The following CHKA variants were observed in gnomAD, a reference collection of about 807,000 sequenced individuals.
The protein encoded by CHKA is choline kinase alpha.
Under a neutral mutation model 60.1 loss-of-function variants are expected in CHKA, and 34 were observed. The ratio of observed to expected loss-of-function variants is 0.57; its 90% confidence interval spans 0.43 to 0.75. CHKA has a LOEUF of 0.75. CHKA is among the 30% of genes least tolerant of loss of function. The pLI, the probability that CHKA is intolerant of heterozygous loss-of-function variation, is 0.00. For missense variants in CHKA, 563 were observed against 561.3 expected (o/e 1.00, Z -0.03); for synonymous variants, 217 against 223.1 (o/e 0.97, Z 0.24).
At chr11:68,069,767 C>CGTCA (rs1242459855) in intron 6 of CHKA, among the ~76,000 whole-genome samples, 6 of 152,054 alleles carry the variant, frequency 3.9e-5, no homozygotes, top group Non-Finnish European at 5.9e-5. Flanking sequence ...AGGACAATGA[C>CGTCA]GGCCTTGCTT....
intron 2 of CHKA, among the ~76,000 whole-genome samples, chr11:68,092,263 C>G (rs901180381): frequency 6.6e-6 from 1 of 152,122 alleles, no homozygotes; most frequent in Non-Finnish European, 1.5e-5. Context: ...TCAATTAATG[C>G]AAATCTTGAC....
rs547721507 is a variant in CHKA, at chr11:68,073,918, A to G, written c.630+799T>C. On this transcript the variant is annotated intron_variant, in intron 4 of 11. Transcript: ENST00000265689. Reference sequence around the variant, plus strand: ...GCTCAATGAAAATGGGGAATATCTGATCTATCTAGGAAGAGAGTGCAGGCT... The same window carrying G: ...GCTCAATGAAAATGGGGAATATCTGGTCTATCTAGGAAGAGAGTGCAGGCT... Among the ~76,000 whole-genome samples the G allele has an allele frequency of 1.7e-4, 26 of 152,320 alleles. No individual in the cohort carries two copies. In the South Asian group the frequency reaches 5.0e-3, roughly 29 times the overall value.
At chr11:68,056,828 A>G (rs1442693919) in intron 11 of CHKA, among the ~76,000 whole-genome samples, 1 of 152,084 alleles carries the variant, frequency 6.6e-6, no homozygotes, top group Non-Finnish European at 1.5e-5. Flanking sequence ...TGGGCAACAC[A>G]GTGAGACCCT....
chr11:68,069,762 A>G (rs1856555689), intron 6 of CHKA, among the ~76,000 whole-genome samples: 2 of 152,122 alleles, frequency 1.3e-5, no homozygotes, highest in African/African-American at 2.4e-5. Context: ...CTCTGAGGAC[A>G]ATGACGGCCT....
chr11:68,114,684 G>A (rs984120340), intron 1 of CHKA, among the ~76,000 whole-genome samples: 1 of 149,940 alleles, frequency 6.7e-6, no homozygotes. Context: ...GCGACAGAGC[G>A]AGACTCTGTC....
In CHKA at chr11:68,054,015, G is replaced by T; in HGVS notation, c.1347C>A (p.Phe449Leu). 1 of 1,613,714 alleles carries T rather than the reference G, an allele frequency of 6.2e-7. No individual in the cohort carries two copies. Among genetic ancestry groups the T allele is most frequent in the South Asian group, 1.1e-5 (1 of 90,880 alleles). ...DYAQARFDAYFHQKRKLGV is the reference protein window; with the variant it reads ...DYAQARFDAYLHQKRKLGV Reference sequence around the variant, plus strand: ...ACACCCCAAGCTTCCTCTTCTGGTGGAAATAGGCATCAAACCTTGCTTGGG... The same window carrying T: ...ACACCCCAAGCTTCCTCTTCTGGTGTAAATAGGCATCAAACCTTGCTTGGG... Residue 449 changes from phenylalanine to leucine, a missense_variant, in exon 12 of 12, where the codon TTC becomes TTA. Coordinates refer to ENST00000265689, the MANE Select transcript of CHKA (RefSeq NM_001277.3).
Position 68,096,929 on chromosome 11 carries a change from G to C in CHKA, c.462+90C>G, listed in dbSNP as rs537284288. 2.9e-4 allele frequency: 242 copies of C among 821,932 alleles called. 3 individuals are homozygous for C. The South Asian group carries it at 4.4e-3, about 15-fold the overall frequency. 50.9% of individuals were successfully genotyped at this position (821,932 alleles called of 1,614,324 possible). A position where few individuals can be genotyped will look rare whatever the true frequency, so the allele number is the denominator to read the frequency against. The stretch of plus-strand genomic sequence containing the variant: ...AAATATCTTTAGTAACACCATTAAA[G>C]TATTTAAAATCTCTTTCCAAGGTAT... On this transcript the variant is annotated intron_variant, in intron 2 of 11. Transcript: ENST00000265689.
intron 1 of CHKA, among the ~76,000 whole-genome samples, chr11:68,108,111 A>G (rs1199478775): frequency 6.6e-6 from 1 of 152,218 alleles, no homozygotes; most frequent in Non-Finnish European, 1.5e-5. Context: ...ACTGAAAGCA[A>G]TATATGACAG....
At chr11:68,093,009 T>G (rs1203119778) in intron 2 of CHKA, among the ~76,000 whole-genome samples, 5 of 115,530 alleles carry the variant, frequency 4.3e-5, no homozygotes, top group African/African-American at 6.7e-5. Context: ...TTTTTTGGGT[T>G]TTTTTTTTTT....
chr11:68,054,265 C>A (rs951289912), intron 11 of CHKA, among the ~76,000 whole-genome samples: 1 of 152,242 alleles, frequency 6.6e-6, no homozygotes, highest in Non-Finnish European at 1.5e-5. Flanking sequence ...CCTTCATTCT[C>A]AGGAGGCCTG....
chr11:68,066,474 T>TA lies in CHKA; in HGVS notation c.970_971insT (p.Gln324LeufsTer7). On this transcript the variant is annotated frameshift_variant, in exon 8 of 12. Transcript: ENST00000265689. LOFTEE classifies it high-confidence loss of function. ...TTCGAAATCAATGAGCATCAGTTTC[T>TA]GTTTTTCAGAATTCTCTCGGCCTTC... is the stretch of plus-strand genomic sequence containing the variant. 6.2e-7 allele frequency: 1 copy of TA among 1,614,242 alleles called. No individual in the cohort carries two copies. Among genetic ancestry groups the TA allele is most frequent in the Non-Finnish European group, 8.5e-7 (1 of 1,180,024 alleles).
At chr11:68,080,009 G>A (rs1356439115) in intron 3 of CHKA, among the ~76,000 whole-genome samples, 1 of 152,196 alleles carries the variant, frequency 6.6e-6, no homozygotes, top group Non-Finnish European at 1.5e-5. Context: ...AAGGGTGGGG[G>A]TCATGTCAAA....
rs1184686659 is a variant in CHKA, at chr11:68,053,954, T to C, written c.*34A>G. 1.9e-6 allele frequency: 3 copies of C among 1,596,418 alleles called. No individual in the cohort carries two copies. The African/African-American group carries it at 4.0e-5, about 21-fold the overall frequency. Reference sequence around the variant, plus strand: ...CCCGCTCTGCTGCCTCCCCATGCAGTCCAGTGATGAGGTGGATGGAGTCCT... The same window carrying C: ...CCCGCTCTGCTGCCTCCCCATGCAGCCCAGTGATGAGGTGGATGGAGTCCT... On this transcript the variant is annotated 3_prime_UTR_variant, in exon 12 of 12. Transcript: ENST00000265689.
At chr11:68,076,070 A>G (rs1856775866) in intron 3 of CHKA, among the ~76,000 whole-genome samples, 1 of 152,208 alleles carries the variant, frequency 6.6e-6, no homozygotes, top group South Asian at 2.1e-4. Context: ...AGACCACATT[A>G]AAGCAAAAAG....
chr11:68,102,972 TA>T (rs71480230), intron 1 of CHKA, among the ~76,000 whole-genome samples: 29 of 150,166 alleles, frequency 1.9e-4, no homozygotes, highest in East Asian at 1.4e-3. Flanking sequence ...AGACCCTGTT[TA>T]AAAAAAAAAA....
At chr11:68,120,421 A>G (rs1858579598) in intron 1 of CHKA, among the ~76,000 whole-genome samples, 1 of 152,112 alleles carries the variant, frequency 6.6e-6, no homozygotes, top group Non-Finnish European at 1.5e-5. Flanking sequence ...TAACAGAAAA[A>G]AGTTAAAAAG....
At chr11:68,083,322 C>T (rs1590856302) in intron 2 of CHKA, among the ~76,000 whole-genome samples, 1 of 152,216 alleles carries the variant, frequency 6.6e-6, no homozygotes, top group Non-Finnish European at 1.5e-5. Context: ...ATTAGAAATG[C>T]CCCTTCAAAA....
At chr11:68,092,553 G>A (rs901132589) in intron 2 of CHKA, among the ~76,000 whole-genome samples, 4 of 152,172 alleles carry the variant, frequency 2.6e-5, no homozygotes, top group Non-Finnish European at 4.4e-5. Flanking sequence ...CTGTTGCCTG[G>A]CTCGCATCTT....
chr11:68,070,801 G>A lies in CHKA; in HGVS notation c.687C>T (p.Ala229=), dbSNP rs201285000. Residue 229 remains alanine (A), a synonymous_variant, in exon 5 of 12, where the codon GCC becomes GCT. Coordinates refer to ENST00000265689, the MANE Select transcript of CHKA (RefSeq NM_001277.3). ...TACCATGAAATGTAGCCATTTTCTC[G>A]GCGATTTCTGCAGAAATATCTGGCA... ...LSLPDISAEI[A]EKMATFHGMK... 2.4e-5 allele frequency: 39 copies of A among 1,612,548 alleles called. No homozygotes were observed. Among genetic ancestry groups the A allele is most frequent in the African/African-American group, 6.7e-5 (5 of 74,824 alleles).
Sources: gnomAD v4.1 joint callset for allele counts (sites outside exome capture counted in the v4.1 genomes callset) on GRCh38, gnomAD v4.1.1 for gene constraint, MANE v1.5 for transcripts, NCBI Gene and HGNC (gene_info 2026-07-23, HGNC 2026-07-21) for gene names.